VASH2: variants seen among roughly 807,000 people sequenced by gnomAD.
The protein encoded by VASH2 is vasohibin 2.
A neutral mutation model predicts 37.2 loss-of-function variants in VASH2; 28 were observed. That is an observed-to-expected ratio of 0.75 (90% CI 0.56 to 1.03). The LOEUF (loss-of-function observed/expected upper bound fraction) is 1.03, where lower values mean the gene tolerates loss of function less well. Ranked by LOEUF, VASH2 falls within the 50% of genes least tolerant of loss-of-function variation. The pLI, the probability that VASH2 is intolerant of heterozygous loss-of-function variation, is 0.00. For synonymous variants in VASH2, 188 were observed against 174.7 expected (o/e 1.08, Z -0.60); for missense variants, 419 against 459.1 (o/e 0.91, Z 0.80).
chr1:212,961,369 G>C lies in VASH2; in HGVS notation c.365+115G>C. ...ATCAAAAGCTCTCTAAGGTTGGTGA[G>C]GCCAGGCATGGAGGGATGTCCCGGG... On this transcript the variant is annotated intron_variant, in intron 3 of 7. Coordinates refer to ENST00000517399, the MANE Select transcript of VASH2 (RefSeq NM_001301056.2). The C allele has an allele frequency of 2.5e-6, 4 of 1,570,656 alleles. No individual in the cohort carries two copies. In the South Asian group the frequency reaches 4.8e-5, roughly 19 times the overall value.
chr1:212,954,391 T>G (rs1666418845), intron 2 of VASH2, among the ~76,000 whole-genome samples: 1 of 152,116 alleles, frequency 6.6e-6, no homozygotes, highest in Non-Finnish European at 1.5e-5. Context: ...ATTTTTCCAT[T>G]ATTGTAGCTG....
chr1:212,972,441 A>C, intron 5 of VASH2, 139 bp from the exon 6 acceptor site: 2 of 940,572 alleles, frequency 2.1e-6, no homozygotes, highest in Non-Finnish European at 3.2e-6. Context: ...TAAAAGGATT[A>C]GTCTGGAAAA....
chr1:212,987,720 C>T (rs138914273), intron 7 of VASH2, among the ~76,000 whole-genome samples: 3 of 152,348 alleles, frequency 2.0e-5, no homozygotes, highest in East Asian at 3.9e-4. Flanking sequence ...TCTCAGTTCT[C>T]TCTTATCCAA....
chr1:212,960,372 T>A (rs981301031), intron 2 of VASH2, among the ~76,000 whole-genome samples: 1 of 152,116 alleles, frequency 6.6e-6, no homozygotes, highest in African/African-American at 2.4e-5. Flanking sequence ...TAAGATGGCG[T>A]GTGAGCCAGA....
chr1:212,978,725 C>G lies in VASH2; in HGVS notation c.995+4655C>G, dbSNP rs147419446. On this transcript the variant is annotated intron_variant, in intron 7 of 7. Coordinates refer to ENST00000517399, the MANE Select transcript of VASH2 (RefSeq NM_001301056.2). Reference sequence around the variant, plus strand: ...GGTTTTTTTTCCCCACAACTAGGGCCGAGTGGCCTTGGAACGGTTTGACCA... The same window carrying G: ...GGTTTTTTTTCCCCACAACTAGGGCGGAGTGGCCTTGGAACGGTTTGACCA... 2.9e-4 allele frequency among the ~76,000 whole-genome samples: 44 copies of G among 152,232 alleles called. No individual in the cohort carries two copies. In the East Asian group the frequency reaches 7.1e-3, roughly 25 times the overall value.
intron 3 of VASH2, 92 bp from the exon 4 acceptor site, chr1:212,965,630 C>A: frequency 8.2e-7 from 1 of 1,224,654 alleles, no homozygotes; most frequent in Non-Finnish European, 1.2e-6. Flanking sequence ...ACATCCTCAT[C>A]TCATTGAGAA....
At chr1:212,957,241 C>T (rs1572058144) in intron 2 of VASH2, among the ~76,000 whole-genome samples, 1 of 152,172 alleles carries the variant, frequency 6.6e-6, no homozygotes, top group African/African-American at 2.4e-5. Flanking sequence ...CCACTGTATA[C>T]CATCGTATAT....
At chr1:212,956,278 G>T (rs1666487004) in intron 2 of VASH2, among the ~76,000 whole-genome samples, 1 of 152,170 alleles carries the variant, frequency 6.6e-6, no homozygotes, top group Admixed American at 6.5e-5. Flanking sequence ...TTGTTTCATT[G>T]TTCTTTCTCT....
At chr1:212,970,890 A>G (rs1666991969) in intron 5 of VASH2, among the ~76,000 whole-genome samples, 1 of 150,282 alleles carries the variant, frequency 6.7e-6, no homozygotes, top group East Asian at 1.9e-4. Flanking sequence ...ACTGTGTCTC[A>G]AAAAAATGAA....
chr1:212,964,802 C>T (rs981753983), intron 3 of VASH2, among the ~76,000 whole-genome samples: 34 of 152,140 alleles, frequency 2.2e-4, no homozygotes, highest in Non-Finnish European at 4.3e-4. Context: ...CCTTCCAATC[C>T]ATCCATCCAC....
At chr1:212,973,629 G>T in intron 6 of VASH2, 1 of 1,224,244 alleles carries the variant, frequency 8.2e-7, no homozygotes, top group Non-Finnish European at 1.0e-6. Context: ...CTTTGCCTTC[G>T]TGAGGAGAGG....
chr1:212,991,408 T>A lies in VASH2; in HGVS notation c.*2824T>A, dbSNP rs571850869. The A allele has an allele frequency of 3.3e-5, 5 of 152,356 alleles. No individual in the cohort carries two copies. Among genetic ancestry groups the A allele is most frequent in the Non-Finnish European group, 4.4e-5 (3 of 68,030 alleles). 9.4% of individuals were successfully genotyped at this position (152,356 alleles called of 1,614,324 possible). On this transcript the variant is annotated 3_prime_UTR_variant, in exon 8 of 8. Coordinates refer to ENST00000517399, the MANE Select transcript of VASH2 (RefSeq NM_001301056.2). ...TTTGTTCTGGCCAATACATTTTTTT[T>A]AAATCTTTAAGAAGAACTGTGATTG...
chr1:212,961,941 G>A (rs899934993), intron 3 of VASH2, among the ~76,000 whole-genome samples: 8 of 152,070 alleles, frequency 5.3e-5, no homozygotes, highest in African/African-American at 1.9e-4. Context: ...TCTTCCATTC[G>A]TTTTCTCTTT....
rs2075839553 is a variant in VASH2, at chr1:212,989,851, G to C, written c.*1267G>C. 1 of 152,156 alleles carries C rather than the reference G, an allele frequency of 6.6e-6. No homozygotes were observed. Among genetic ancestry groups the C allele is most frequent in the Non-Finnish European group, 1.5e-5 (1 of 68,038 alleles). The allele number at this position is 152,156 out of a possible 1,614,324, so 9.4% of individuals were successfully genotyped here. A position where few individuals can be genotyped will look rare whatever the true frequency, so the allele number is the denominator to read the frequency against. ...AGTTACAGTGTAACCTCTGGCTGCAGACCACACAGGACAACCCTAACAGCC... is the reference window on the plus strand; with the variant it reads ...AGTTACAGTGTAACCTCTGGCTGCACACCACACAGGACAACCCTAACAGCC... On this transcript the variant is annotated 3_prime_UTR_variant, in exon 8 of 8. Transcript: ENST00000517399.
chr1:212,966,273 T>A lies in VASH2; in HGVS notation c.425T>A (p.Leu142Ter). Residue 142 changes from leucine to a stop codon, truncating the protein, a stop_gained and splice_region_variant, in exon 5 of 8, where the codon TTA becomes TAA. Coordinates refer to ENST00000517399, the MANE Select transcript of VASH2 (RefSeq NM_001301056.2). LOFTEE classifies it high-confidence loss of function. ...CTCTGCTGTGCTCTATCCTACAGGT[T>A]AATGGAAACAGCAAAAGAAATGACC... ...EIRKMRPLSG[L>*]METAKEMTRE... 6.4e-7 allele frequency: 1 copy of A among 1,551,662 alleles called. No individual in the cohort carries two copies. Among genetic ancestry groups the A allele is most frequent in the Non-Finnish European group, 8.7e-7 (1 of 1,146,962 alleles).
intron 2 of VASH2, among the ~76,000 whole-genome samples, chr1:212,954,483 C>T (rs1179391114): frequency 3.3e-5 from 5 of 152,154 alleles, no homozygotes; most frequent in Admixed American, 2.0e-4. Flanking sequence ...TGCAGTGGTG[C>T]GATCTCGGTT....
intron 2 of VASH2, among the ~76,000 whole-genome samples, chr1:212,954,358 C>A (rs1369432860): frequency 1.3e-5 from 2 of 152,186 alleles, no homozygotes; most frequent in African/African-American, 4.8e-5. Context: ...ACACAGACTG[C>A]TACTTCCTGA....
At chr1:212,969,141 A>AG in intron 5 of VASH2, 6 of 985,036 alleles carry the variant, frequency 6.1e-6, no homozygotes, top group Non-Finnish European at 7.2e-6. Context: ...TGCTGAACTC[A>AG]GGGAAATTTG....
Position 212,991,512 on chromosome 1 carries a change from G to A in VASH2, c.*2928G>A, listed in dbSNP as rs955220309. 1 of 152,212 alleles carries A rather than the reference G, an allele frequency of 6.6e-6. No individual in the cohort carries two copies. Among genetic ancestry groups the A allele is most frequent in the African/African-American group, 2.4e-5 (1 of 41,464 alleles). The allele number at this position is 152,212 out of a possible 1,614,324, so 9.4% of individuals were successfully genotyped here. A position where few individuals can be genotyped will look rare whatever the true frequency, so the allele number is the denominator to read the frequency against. On this transcript the variant is annotated 3_prime_UTR_variant, in exon 8 of 8. Coordinates refer to ENST00000517399, the MANE Select transcript of VASH2 (RefSeq NM_001301056.2). The stretch of plus-strand genomic sequence containing the variant: ...GAATGCCAGTAAGTGCATGTTTCAA[G>A]TTAATGTTTTTCTCATCACTTGTAT...
Sources: gnomAD v4.1 joint callset for allele counts (sites outside exome capture counted in the v4.1 genomes callset) on GRCh38, gnomAD v4.1.1 for gene constraint, MANE v1.5 for transcripts, NCBI Gene and HGNC (gene_info 2026-07-23, HGNC 2026-07-21) for gene names.